Variants in PCDHA5 observed in about 807,000 individuals in gnomAD.
PCDHA5 encodes the protein protocadherin alpha-5.
PCDHA5 carries 43 observed loss-of-function variants against 61.6 expected under a neutral mutation model. That is an observed-to-expected ratio of 0.70 (90% confidence interval 0.55 to 0.90). PCDHA5 has a LOEUF of 0.90. PCDHA5 is among the 40% of genes least tolerant of loss of function. PCDHA5 has a pLI of 0.00. For missense variants in PCDHA5, 1,298 were observed against 1,222.7 expected, an observed-to-expected ratio of 1.06 and a Z score of -0.92; for synonymous variants, 627 against 543.9, an observed-to-expected ratio of 1.15 and a Z score of -2.13.
Position 140,876,997 on chromosome 5 carries a change from T to G in PCDHA5, c.2352+52870T>G, listed in dbSNP as rs1024280391. 6.8e-6 allele frequency: 11 copies of G among 1,612,358 alleles called. No homozygotes were observed. The African/African-American group carries it at 1.1e-4, about 16-fold the overall frequency. On this transcript the variant is annotated intron_variant, in intron 1 of 3. Transcript: ENST00000529859. ...CGAGCACGCACTGTCGAGCTACGTG[T>G]CGGTGCACGCGGAGAGCGGCAAGGT...
chr5:140,906,662 G>A (rs1186000828), intron 1 of PCDHA5, among the ~76,000 whole-genome samples: 1 of 152,200 alleles, frequency 6.6e-6, no homozygotes, highest in Non-Finnish European at 1.5e-5. Context: ...TCCTGGTGTA[G>A]TGACCCAAAC....
intron 1 of PCDHA5, among the ~76,000 whole-genome samples, chr5:140,827,573 T>G (rs1769335748): frequency 6.6e-6 from 1 of 152,222 alleles, no homozygotes; most frequent in Admixed American, 6.5e-5. Context: ...CACTATATAA[T>G]AGCATGTCCT....
chr5:140,944,999 G>A (rs2093721816), intron 1 of PCDHA5, among the ~76,000 whole-genome samples: 1 of 151,896 alleles, frequency 6.6e-6, no homozygotes, highest in Non-Finnish European at 1.5e-5. Context: ...TAACGGTTGT[G>A]GGTCATGAAT....
At chr5:140,881,074 A>G (rs1416572917) in intron 1 of PCDHA5, among the ~76,000 whole-genome samples, 1 of 152,200 alleles carries the variant, frequency 6.6e-6, no homozygotes, top group African/African-American at 2.4e-5. Context: ...TAATTATTGG[A>G]GCTATGATAT....
rs2150153746 is a variant in PCDHA5, at chr5:140,828,302, C to A, written c.2352+4175C>A. On this transcript the variant is annotated intron_variant, in intron 1 of 3. Coordinates refer to ENST00000529859, the MANE Select transcript of PCDHA5 (RefSeq NM_018908.3). Reference sequence around the variant, plus strand: ...CCTGTTCAGGATGGCCTCCAAAGACCGCGAGGACCTTCTGGAGGTAAATCT... The same window carrying A: ...CCTGTTCAGGATGGCCTCCAAAGACAGCGAGGACCTTCTGGAGGTAAATCT... The A allele has an allele frequency of 1.9e-6, 3 of 1,614,148 alleles. No homozygotes were observed. The Admixed American group carries it at 5.0e-5, about 27-fold the overall frequency.
intron 1 of PCDHA5, among the ~76,000 whole-genome samples, chr5:140,952,740 C>T (rs2094790841): frequency 1.3e-5 from 2 of 152,184 alleles, no homozygotes; most frequent in African/African-American, 2.4e-5. Flanking sequence ...TTTTCTCACA[C>T]TGCTATAAAA....
Position 140,858,208 on chromosome 5 carries a change from G to A in PCDHA5, c.2352+34081G>A. 3 of 1,595,856 alleles carry A rather than the reference G, an allele frequency of 1.9e-6. 1 individual carries two copies. The highest frequency in any genetic ancestry group is 2.6e-6 in the Non-Finnish European group (3 of 1,166,438). ...CGCTGCTGCTGTACACTGCACTGAG[G>A]TGCTCGGCGGCGCCCACCGAGGGCG... On this transcript the variant is annotated intron_variant, in intron 1 of 3. Coordinates refer to ENST00000529859, the MANE Select transcript of PCDHA5 (RefSeq NM_018908.3).
At chr5:140,882,294 C>T (rs1554173437) in intron 1 of PCDHA5, 1 of 1,613,662 alleles carries the variant, frequency 6.2e-7, no homozygotes. Flanking sequence ...CAAGGAGGCC[C>T]AAGACCGCGG....
At position 140,856,909 on chromosome 5, in the gene PCDHA5, G is replaced by A. The variant is rs782127825; in HGVS notation, c.2352+32782G>A. 1.5e-4 allele frequency: 234 copies of A among 1,596,020 alleles called. 23 individuals carry two copies. The highest frequency in any genetic ancestry group is 1.9e-4 in the Non-Finnish European group (221 of 1,165,964). Reference sequence around the variant, plus strand: ...CATTTAGCTCTTTGGTCCCACCCACGATAAGAAGGAAATTTTGGATAAACG... The same window carrying A: ...CATTTAGCTCTTTGGTCCCACCCACAATAAGAAGGAAATTTTGGATAAACG... On this transcript the variant is annotated intron_variant, in intron 1 of 3. Coordinates refer to ENST00000529859, the MANE Select transcript of PCDHA5 (RefSeq NM_018908.3).
chr5:140,850,537 G>T (rs115218749), intron 1 of PCDHA5: 1 of 1,598,212 alleles, frequency 6.3e-7, no homozygotes, highest in Non-Finnish European at 8.6e-7. Context: ...TCATCGTCGC[G>T]GGCGTCAGTG....
intron 1 of PCDHA5, among the ~76,000 whole-genome samples, chr5:140,945,224 T>C (rs1563213002): frequency 6.6e-6 from 1 of 152,016 alleles, no homozygotes; most frequent in Non-Finnish European, 1.5e-5. Context: ...ATAAAAATAC[T>C]TAGGAATAAA....
intron 1 of PCDHA5, chr5:140,836,741 G>A (rs1554136289): frequency 8.1e-6 from 13 of 1,600,528 alleles, no homozygotes; most frequent in South Asian, 5.6e-5. Flanking sequence ...CAGACAATGT[G>A]AGTCATAAAT....
At chr5:140,981,191 G>A (rs2096922052) in intron 2 of PCDHA5, among the ~76,000 whole-genome samples, 2 of 152,178 alleles carry the variant, frequency 1.3e-5, no homozygotes, top group South Asian at 4.1e-4. Context: ...AAGTTTGCCT[G>A]CTCTGTTGCC....
At chr5:140,869,531 C>A (rs782191099) in intron 1 of PCDHA5, 11 of 1,614,032 alleles carry the variant, frequency 6.8e-6, no homozygotes, top group African/African-American at 2.7e-5. Flanking sequence ...CTGCTGATTG[C>A]GGAATCTAAG....
At chr5:140,877,403 G>C (rs199806507) in intron 1 of PCDHA5, 1 of 1,613,770 alleles carries the variant, frequency 6.2e-7, no homozygotes, top group Non-Finnish European at 8.5e-7. Context: ...GACGCTCCGC[G>C]CCACCGCCTG....
chr5:140,917,378 A>G (rs532934226), intron 1 of PCDHA5, among the ~76,000 whole-genome samples: 4 of 150,894 alleles, frequency 2.7e-5, no homozygotes, highest in South Asian at 2.1e-4. Context: ...CTCCACCTCA[A>G]TAGTCTGATG....
At chr5:140,960,923 G>A (rs1478943565) in intron 1 of PCDHA5, among the ~76,000 whole-genome samples, 1 of 152,168 alleles carries the variant, frequency 6.6e-6, no homozygotes, top group African/African-American at 2.4e-5. Context: ...TAGAAAATTG[G>A]TACTAAGTTT....
At chr5:140,949,634 G>A (rs1172841481) in intron 1 of PCDHA5, among the ~76,000 whole-genome samples, 3 of 151,562 alleles carry the variant, frequency 2.0e-5, no homozygotes, top group East Asian at 1.9e-4. Flanking sequence ...ATGGCATATT[G>A]CTTTTTGTTC....
intron 1 of PCDHA5, chr5:140,834,959 T>C (rs2150229473): frequency 6.6e-7 from 1 of 1,526,094 alleles, no homozygotes; most frequent in South Asian, 1.2e-5. Flanking sequence ...TAAAACCTCT[T>C]GGACTTGTAT....
Sources: allele counts gnomAD v4.1 joint callset (sites outside exome capture counted in the v4.1 genomes callset), GRCh38; gene constraint gnomAD v4.1.1; transcripts MANE v1.5; gene names NCBI Gene and HGNC (gene_info 2026-07-23, HGNC 2026-07-21).